LIPJ: variants seen among roughly 807,000 people sequenced by gnomAD.
LIPJ encodes lipase member J.
A neutral mutation model predicts 39.8 loss-of-function variants in LIPJ; 33 were observed. That is an observed-to-expected ratio of 0.83 (90% confidence interval 0.63 to 1.11). The LOEUF is 1.11. Among genes scored for constraint, LIPJ ranks in the 50% least tolerant of loss-of-function variants. LIPJ has a pLI of 0.00. For missense variants in LIPJ, 422 were observed against 427.9 expected (o/e 0.99, Z 0.12); for synonymous variants, 128 against 139.2 (o/e 0.92, Z 0.57).
intron 8 of LIPJ, among the ~76,000 whole-genome samples, chr10:88,599,659 A>G (rs1851398772): frequency 1.3e-5 from 2 of 151,222 alleles, no homozygotes; most frequent in Non-Finnish European, 3.0e-5. Flanking sequence ...GTATATATAT[A>G]CACATACATT....
At chr10:88,603,444 A>G (rs1225790049) in intron 9 of LIPJ, among the ~76,000 whole-genome samples, 1 of 152,200 alleles carries the variant, frequency 6.6e-6, no homozygotes, top group African/African-American at 2.4e-5. Flanking sequence ...TACTCAACTA[A>G]TATTTGTTCA....
chr10:88,592,402 G>A (rs1564931673), intron 4 of LIPJ: 1 of 151,892 alleles, frequency 6.6e-6, no homozygotes, highest in South Asian at 2.1e-4. Flanking sequence ...GCCTTAGAGT[G>A]CTCTAAAGGC....
downstream of LIPJ, among the ~76,000 whole-genome samples, chr10:88,608,845 C>G (rs996577930): frequency 6.6e-6 from 1 of 152,166 alleles, no homozygotes; most frequent in Non-Finnish European, 1.5e-5. Context: ...AAGAAAATAA[C>G]TTTGTAACTC....
chr10:88,594,508 CA>C (rs1671507937), intron 5 of LIPJ, among the ~76,000 whole-genome samples, 158 bp from the exon 6 acceptor site: 1 of 151,754 alleles, frequency 6.6e-6, no homozygotes, highest in African/African-American at 2.4e-5. Flanking sequence ...TTTGAGTTCC[CA>C]CAGAAGTCTC....
chr10:88,613,800 A>ATATATATATATATATATATATG, the LIPJ span, among the ~76,000 whole-genome samples: 63 of 74,122 alleles, frequency 8.5e-4, no homozygotes, highest in Non-Finnish European at 1.4e-3. Flanking sequence ...ATATATATAT[A>ATATATATATATATATATATATG]TGTGTGTGTG....
At chr10:88,612,401 AT>A in the LIPJ span, among the ~76,000 whole-genome samples, 1 of 152,200 alleles carries the variant, frequency 6.6e-6, no homozygotes, top group African/African-American at 2.4e-5. Context: ...TTGAATGTAA[AT>A]GGCCTGAATG....
Position 88,605,598 on chromosome 10 carries a change from A to T in LIPJ, c.796-35A>T, listed in dbSNP as rs77325702. 2.0e-3 allele frequency: 2,956 copies of T among 1,467,136 alleles called. 46 individuals are homozygous for T. In the African/African-American group the frequency reaches 0.036, roughly 18 times the overall value. The allele number at this position is 1,467,136 out of a possible 1,614,324, so 90.9% of individuals were successfully genotyped here. A position where few individuals can be genotyped will look rare whatever the true frequency, so the allele number is the denominator to read the frequency against. On this transcript the variant is annotated intron_variant, in intron 9 of 10. Transcript: ENST00000371939. ...TTGCTCAGCTGCCACTGTAATGAAC[A>T]AATGATATGGTCTTATTTTTTGTTT...
chr10:88,588,116 C>T (rs1349589877), intron 2 of LIPJ, among the ~76,000 whole-genome samples: 1 of 151,608 alleles, frequency 6.6e-6, no homozygotes. Context: ...GTTTCACATA[C>T]CTAAATTGTT....
chr10:88,594,045 A>G, exon 5 of LIPJ: 2 of 1,612,360 alleles, frequency 1.2e-6, no homozygotes, highest in Non-Finnish European at 1.7e-6. Context: ...ATTCTGGCAG[A>G]TGCTGGTTAT....
At chr10:88,603,350 G>A (rs184702453) in intron 9 of LIPJ, among the ~76,000 whole-genome samples, 13 of 152,102 alleles carry the variant, frequency 8.5e-5, no homozygotes, top group South Asian at 4.1e-4. Context: ...TTTCTCCTCC[G>A]TTAAATTGTC....
the LIPJ span, among the ~76,000 whole-genome samples, chr10:88,621,221 C>T: frequency 6.6e-6 from 1 of 152,106 alleles, no homozygotes; most frequent in African/African-American, 2.4e-5. Flanking sequence ...TTTATAGCAG[C>T]TTTCTTTATA....
intron 7 of LIPJ, 77 bp from the exon 8 acceptor site, chr10:88,596,713 G>C (rs17109867): frequency 0.012 from 14,872 of 1,254,312 alleles, 426 homozygotes; most frequent in South Asian, 0.079. Context: ...TGGTTTTATA[G>C]ATAGTGAATT....
chr10:88,621,164 C>A, the LIPJ span, among the ~76,000 whole-genome samples: 1 of 152,070 alleles, frequency 6.6e-6, no homozygotes, highest in Non-Finnish European at 1.5e-5. Context: ...CATATACACA[C>A]AAAAATAATG....
the LIPJ span, among the ~76,000 whole-genome samples, chr10:88,621,649 T>G: frequency 2.0e-5 from 3 of 152,052 alleles, no homozygotes; most frequent in African/African-American, 7.2e-5. Context: ...AATTAGTAAA[T>G]TTTACTATAT....
chr10:88,600,980 G>C (rs543324126), intron 8 of LIPJ, among the ~76,000 whole-genome samples: 1 of 151,626 alleles, frequency 6.6e-6, no homozygotes, highest in South Asian at 2.1e-4. Flanking sequence ...ACAGAGTTTT[G>C]CTGTGTCAGC....
At chr10:88,605,816 A>G in intron 10 of LIPJ, 112 bp downstream of exon 10, 1 of 670,400 alleles carries the variant, frequency 1.5e-6, no homozygotes, top group East Asian at 2.7e-5. Flanking sequence ...CTGATTAAGG[A>G]CCAGCAGATG....
intron 9 of LIPJ, among the ~76,000 whole-genome samples, chr10:88,604,757 G>A (rs1299304337): frequency 2.0e-5 from 3 of 152,186 alleles, no homozygotes; most frequent in African/African-American, 7.2e-5. Flanking sequence ...CATTGAGTAA[G>A]CAGTTGTATA....
intron 8 of LIPJ, among the ~76,000 whole-genome samples, chr10:88,599,228 A>G (rs1233441358): frequency 2.0e-5 from 3 of 151,740 alleles, no homozygotes; most frequent in Admixed American, 6.6e-5. Context: ...AATTGCCACA[A>G]TCAAGTTTAA....
upstream of LIPJ, chr10:88,583,772 C>A: frequency 4.3e-6 from 4 of 930,006 alleles, no homozygotes; most frequent in Non-Finnish European, 5.1e-6. Flanking sequence ...ACCTCAATTT[C>A]TCCATCTGGG....
Sources: gnomAD v4.1 joint callset for allele counts (sites outside exome capture counted in the v4.1 genomes callset) on GRCh38, gnomAD v4.1.1 for gene constraint, MANE v1.5 for transcripts, NCBI Gene and HGNC (gene_info 2026-07-23, HGNC 2026-07-21) for gene names.